CFAP43: variants seen among roughly 807,000 people sequenced by gnomAD.
CFAP43 encodes the protein cilia and flagella associated protein 43.
A neutral mutation model predicts 218.9 loss-of-function variants in CFAP43; 155 were observed. The observed-to-expected ratio is 0.71, with a 90% CI of 0.62 to 0.81. CFAP43 has a LOEUF of 0.81. Ranked by LOEUF, CFAP43 falls within the 30% of genes least tolerant of loss-of-function variation. The pLI is 0.00. For synonymous variants in CFAP43, 645 were observed against 681.3 expected, an observed-to-expected ratio of 0.95 and a Z score of 0.83; for missense variants, 1,778 against 1,954.3, an observed-to-expected ratio of 0.91 and a Z score of 1.70.
At chr10:104,166,444 G>A in intron 23 of CFAP43, 44 bp downstream of exon 23, 1 of 1,436,932 alleles carries the variant, frequency 7.0e-7, no homozygotes, top group Non-Finnish European at 9.6e-7. Flanking sequence ...GCCACCTAAT[G>A]GGGAGTCTAG....
chr10:104,196,958 T>G, intron 9 of CFAP43, 25 bp from the exon 10 acceptor site: 1 of 1,583,292 alleles, frequency 6.3e-7, no homozygotes, highest in Non-Finnish European at 8.6e-7. Context: ...AAACAAAAAC[T>G]CTACATGGAA....
chr10:104,189,271 G>T (rs933414626), intron 12 of CFAP43, among the ~76,000 whole-genome samples: 1 of 150,376 alleles, frequency 6.6e-6, no homozygotes, highest in African/African-American at 2.5e-5. Flanking sequence ...CAGCCCTCAT[G>T]ACTCCCCTGT....
At chr10:104,136,014 C>G (rs1039096312) in intron 34 of CFAP43, among the ~76,000 whole-genome samples, 2 of 152,034 alleles carry the variant, frequency 1.3e-5, no homozygotes, top group Admixed American at 1.3e-4. Context: ...CTTTGGGAGG[C>G]TGAGGCAGGC....
In CFAP43 at chr10:104,131,367, C is replaced by G. The variant is rs1339063072; in HGVS notation, c.4795G>C (p.Ala1599Pro). ...LSCNLREELV[A>P]VSERKDICNA... ...CAGATGTCTTTTCTCTCTGAGACAG[C>G]TACCAACTCTTCTCGTAGATTGCAG... Residue 1599 changes from alanine (A) to proline (P), a missense_variant, in exon 37 of 38, where the codon GCT becomes CCT. Coordinates refer to ENST00000357060, the MANE Select transcript of CFAP43 (RefSeq NM_025145.7). 2 of 1,613,388 alleles carry G rather than the reference C, an allele frequency of 1.2e-6. No individual in the cohort carries two copies. Among genetic ancestry groups the G allele is most frequent in the Admixed American group, 3.3e-5 (2 of 59,850 alleles).
chr10:104,162,433 T>C, intron 24 of CFAP43, 30 bp from the exon 25 acceptor site: 1 of 1,580,816 alleles, frequency 6.3e-7, no homozygotes, highest in Non-Finnish European at 8.7e-7. Flanking sequence ...TTCCTGCTAT[T>C]ATTCTTACAA....
intron 28 of CFAP43, among the ~76,000 whole-genome samples, chr10:104,149,602 A>T (rs2088150064): frequency 6.6e-6 from 1 of 152,198 alleles, no homozygotes; most frequent in Non-Finnish European, 1.5e-5. Context: ...GACGGGTTTA[A>T]TTTTTTACAA....
Position 104,206,009 on chromosome 10 carries a change from G to A in CFAP43, c.917C>T (p.Pro306Leu), listed in dbSNP as rs1335406223. ...SPLDRRNFIS[P>L]VTLVYQKEGV... The stretch of plus-strand genomic sequence containing the variant: ...CTCCTTCTGATATACCAAGGTTACT[G>A]GACTGATAAAATTTCTTCTGTCTTC... The change falls in exon 7 of 38, where the codon CCA (proline) becomes CTA (leucine). Residue 306 changes from proline (P) to leucine (L), a missense_variant. Pro to Leu is a moderately conservative substitution (Grantham distance 98, BLOSUM62 -3). Transcript: ENST00000357060. 6.8e-6 allele frequency: 11 copies of A among 1,608,212 alleles called. No homozygotes were observed. Among genetic ancestry groups the A allele is most frequent in the South Asian group, 1.1e-5 (1 of 89,118 alleles).
chr10:104,206,437 A>C (rs1171305091), intron 6 of CFAP43, among the ~76,000 whole-genome samples: 18 of 152,230 alleles, frequency 1.2e-4, no homozygotes, highest in Non-Finnish European at 2.6e-4. Context: ...AATGGTGAAA[A>C]TAAATGACTG....
chr10:104,225,391 G>A (rs957835691), intron 3 of CFAP43, 70 bp downstream of exon 3: 6 of 1,189,798 alleles, frequency 5.0e-6, no homozygotes, highest in Admixed American at 2.7e-5. Context: ...TATTTCCTTC[G>A]ATAAAATCCA....
chr10:104,225,000 C>G (rs923740573), intron 3 of CFAP43, among the ~76,000 whole-genome samples: 1 of 152,054 alleles, frequency 6.6e-6, no homozygotes, highest in African/African-American at 2.4e-5. Flanking sequence ...GTCTTAACCA[C>G]AGGATTTCCC....
At chr10:104,204,984 G>C (rs2090636763) in intron 7 of CFAP43, among the ~76,000 whole-genome samples, 1 of 152,148 alleles carries the variant, frequency 6.6e-6, no homozygotes, top group Non-Finnish European at 1.5e-5. Context: ...GGAGGCCCAG[G>C]CGGGCGGATC....
intron 32 of CFAP43, 22 bp from the exon 33 acceptor site, chr10:104,142,415 C>T (rs767906702): frequency 6.3e-7 from 1 of 1,590,140 alleles, no homozygotes; most frequent in Non-Finnish European, 8.6e-7. Context: ...AAGCCAGAAA[C>T]ATGTCAGAAC....
chr10:104,157,544 G>C (rs564791524), intron 27 of CFAP43, among the ~76,000 whole-genome samples: 3 of 152,224 alleles, frequency 2.0e-5, no homozygotes, highest in Admixed American at 1.3e-4. Context: ...AAAAACATAG[G>C]GGGTAGATGG....
intron 16 of CFAP43, among the ~76,000 whole-genome samples, chr10:104,183,409 G>A (rs2089919967): frequency 6.9e-6 from 1 of 145,244 alleles, no homozygotes; most frequent in African/African-American, 2.6e-5. Flanking sequence ...TTGAGACGGA[G>A]TCTCGCTCTG....
chr10:104,195,297 C>A (rs2134924094), intron 10 of CFAP43, among the ~76,000 whole-genome samples: 1 of 152,242 alleles, frequency 6.6e-6, no homozygotes, highest in East Asian at 1.9e-4. Context: ...CCAAGAGGAA[C>A]AAGGTATATC....
intron 3 of CFAP43, among the ~76,000 whole-genome samples, chr10:104,215,581 C>T (rs2090990930): frequency 6.6e-6 from 1 of 152,186 alleles, no homozygotes; most frequent in African/African-American, 2.4e-5. Context: ...CAGGACTGTG[C>T]ATGGCAGTGA....
At chr10:104,231,979 G>A (rs1199142191) in intron 1 of CFAP43, among the ~76,000 whole-genome samples, 2 of 151,982 alleles carry the variant, frequency 1.3e-5, no homozygotes, top group East Asian at 3.9e-4. Flanking sequence ...CTGGGGACGG[G>A]GTCAAGGAAC....
intron 11 of CFAP43, chr10:104,193,241 C>T (rs2090282693): frequency 6.6e-6 from 1 of 152,096 alleles, no homozygotes; most frequent in South Asian, 2.1e-4. Flanking sequence ...ATAGTATATT[C>T]ATATAATGGA....
At chr10:104,132,690 T>C (rs755946398) in intron 35 of CFAP43, 2 of 985,416 alleles carry the variant, frequency 2.0e-6, no homozygotes, top group Non-Finnish European at 2.4e-6. Flanking sequence ...TACATTCATG[T>C]ACACTAATTA....
Sources: gnomAD v4.1 joint callset for allele counts (sites outside exome capture counted in the v4.1 genomes callset) on GRCh38, gnomAD v4.1.1 for gene constraint, MANE v1.5 for transcripts, NCBI Gene and HGNC (gene_info 2026-07-23, HGNC 2026-07-21) for gene names.